The following KDSR variants were observed in gnomAD, a reference collection of about 807,000 sequenced individuals.
KDSR encodes 3-ketodihydrosphingosine reductase.
A neutral mutation model predicts 41.3 loss-of-function variants in KDSR; 23 were observed. That is an observed-to-expected ratio of 0.56 (90% CI 0.40 to 0.79). The LOEUF (loss-of-function observed/expected upper bound fraction) is 0.79, where lower values mean the gene tolerates loss of function less well. Ranked by LOEUF, KDSR falls within the 30% of genes least tolerant of loss-of-function variation. The probability of loss-of-function intolerance (pLI) is 0.00; values close to 1 mark genes in which losing one functional copy is unlikely to be tolerated. For synonymous variants in KDSR, 138 were observed against 151.7 expected, an observed-to-expected ratio of 0.91 and a Z score of 0.66; for missense variants, 351 against 416.8, an observed-to-expected ratio of 0.84 and a Z score of 1.37.
chr18:63,345,806 G>T (rs1448472219), intron 6 of KDSR: 2 of 151,952 alleles, frequency 1.3e-5, no homozygotes, highest in Non-Finnish European at 2.9e-5. Context: ...GCTGGGTGTG[G>T]TGGCGGGTGC....
At chr18:63,343,710 C>G (rs1177086255) in intron 7 of KDSR, among the ~76,000 whole-genome samples, 1 of 150,868 alleles carries the variant, frequency 6.6e-6, no homozygotes, top group Non-Finnish European at 1.5e-5. Context: ...ATTTTATCTT[C>G]CACGGTAGAA....
At chr18:63,342,641 A>T (rs1156538090) in intron 7 of KDSR, among the ~76,000 whole-genome samples, 5 of 152,240 alleles carry the variant, frequency 3.3e-5, no homozygotes, top group Non-Finnish European at 7.3e-5. Context: ...TGAGCACTAA[A>T]CCTGATTTAA....
intron 8 of KDSR, 34 bp from the exon 9 acceptor site, chr18:63,335,392 T>G: frequency 7.5e-4 from 934 of 1,248,194 alleles, no homozygotes; most frequent in Non-Finnish European, 9.8e-4. Flanking sequence ...AAAGAGGGAA[T>G]CCTAGTAATG....
At chr18:63,362,739 C>A in intron 2 of KDSR, 40 bp downstream of exon 2, 2 of 1,374,836 alleles carry the variant, frequency 1.5e-6, no homozygotes, top group South Asian at 1.2e-5. Flanking sequence ...AATTTCAAGT[C>A]GAAGAAGCAA....
chr18:63,330,302 C>A lies in KDSR; in HGVS notation c.*1480G>T. The stretch of plus-strand genomic sequence containing the variant: ...AGAGGTCTTTTCTCACCGAAGTGAT[C>A]TGGAATGTGCTACCGTATATGCAAG... On this transcript the variant is annotated 3_prime_UTR_variant, in exon 10 of 10. Transcript: ENST00000645214. 1 of 218,560 alleles carries A rather than the reference C, an allele frequency of 4.6e-6. No individual in the cohort carries two copies. Among genetic ancestry groups the A allele is most frequent in the Non-Finnish European group, 9.2e-6 (1 of 108,926 alleles). 13.5% of individuals were successfully genotyped at this position (218,560 alleles called of 1,614,324 possible). A position where few individuals can be genotyped will look rare whatever the true frequency, so the allele number is the denominator to read the frequency against.
rs531861184 is a variant in KDSR at position 63,342,128 on chromosome 18, C to T, written c.693+2282G>A. 3.4e-5 allele frequency among the ~76,000 whole-genome samples: 5 copies of T among 147,860 alleles called. 1 individual carries two copies. Among genetic ancestry groups the T allele is most frequent in the African/African-American group, 1.0e-4 (4 of 39,720 alleles). On this transcript the variant is annotated intron_variant, in intron 7 of 9. Coordinates refer to ENST00000645214, the MANE Select transcript of KDSR (RefSeq NM_002035.4). ...AGGTTGCAGTGAGCCAACATTGCACCACTGCACTCCAGCATGGGTGACAGA... is the reference window on the plus strand; with the variant it reads ...AGGTTGCAGTGAGCCAACATTGCACTACTGCACTCCAGCATGGGTGACAGA...
At position 63,351,540 on chromosome 18, in the gene KDSR, C is replaced by T. The variant is rs559185450; in HGVS notation, c.418-461G>A. On this transcript the variant is annotated intron_variant, in intron 5 of 9. Transcript: ENST00000645214. ...CAAGCCTTGGGTCTCCCATTTATTG[C>T]CTATTTGATGATGAATAAGAAAGTC... is the stretch of plus-strand genomic sequence containing the variant. 1.6e-3 allele frequency among the ~76,000 whole-genome samples: 247 copies of T among 152,200 alleles called. 1 individual carries two copies. Among genetic ancestry groups the T allele is most frequent in the Middle Eastern group, 6.8e-3 (2 of 294 alleles).
At chr18:63,350,358 A>C (rs1275556220) in intron 6 of KDSR, among the ~76,000 whole-genome samples, 1 of 152,368 alleles carries the variant, frequency 6.6e-6, no homozygotes, top group East Asian at 1.9e-4. Context: ...CAATTCTTTA[A>C]GATATAAAAA....
At chr18:63,342,344 AGG>A (rs1334857352) in intron 7 of KDSR, among the ~76,000 whole-genome samples, 1 of 152,104 alleles carries the variant, frequency 6.6e-6, no homozygotes, top group East Asian at 1.9e-4. Flanking sequence ...CGTCAAAGGG[AGG>A]GGAGAAGGGA....
In KDSR at chr18:63,338,893, G is replaced by GA; in HGVS notation, c.694-11dup. The stretch of plus-strand genomic sequence containing the variant: ...GTCGAGTCTCCAAAGGCTAAAAGTG[G>GA]AAAAACATGTACATAACAATATCAT... On this transcript the variant is annotated splice_polypyrimidine_tract_variant and intron_variant, in intron 7 of 9. Coordinates refer to ENST00000645214, the MANE Select transcript of KDSR (RefSeq NM_002035.4). 2 of 1,548,032 alleles carry GA rather than the reference G, an allele frequency of 1.3e-6. No individual in the cohort carries two copies. The highest frequency in any genetic ancestry group is 4.5e-5 in the East Asian group (2 of 44,440).
chr18:63,332,160 G>A (rs1270738834), intron 9 of KDSR, among the ~76,000 whole-genome samples: 1 of 152,160 alleles, frequency 6.6e-6, no homozygotes, highest in African/African-American at 2.4e-5. Context: ...TATATTGCTT[G>A]CAGTCTTAGG....
intron 7 of KDSR, among the ~76,000 whole-genome samples, chr18:63,342,526 G>A (rs1599326103): frequency 6.6e-6 from 1 of 152,320 alleles, no homozygotes; most frequent in African/African-American, 2.4e-5. Context: ...AGTTCTGTTT[G>A]AATCTGGGAC....
chr18:63,362,301 A>G (rs1267138649), intron 2 of KDSR, among the ~76,000 whole-genome samples: 1 of 152,260 alleles, frequency 6.6e-6, no homozygotes, highest in East Asian at 1.9e-4. Flanking sequence ...ACATTTTGCT[A>G]AACTTCTAAG....
chr18:63,363,231 T>A (rs1915043633), intron 1 of KDSR, among the ~76,000 whole-genome samples: 1 of 148,996 alleles, frequency 6.7e-6, no homozygotes, highest in Admixed American at 6.7e-5. Context: ...TTTTTTTTTT[T>A]TTATTATACT....
chr18:63,335,923 C>T (rs549382811), intron 8 of KDSR: 1 of 152,470 alleles, frequency 6.6e-6, no homozygotes, highest in Non-Finnish European at 1.5e-5. Context: ...AACGCGCTTC[C>T]GCAGCACTGC....
At chr18:63,359,464 T>A (rs962547122) in intron 3 of KDSR, 2 of 345,948 alleles carry the variant, frequency 5.8e-6, no homozygotes, top group East Asian at 9.7e-5. Flanking sequence ...AGCATTTGTA[T>A]AAAGTTCATT....
At chr18:63,344,639 T>C in intron 6 of KDSR, 146 bp from the exon 7 acceptor site, 4 of 559,024 alleles carry the variant, frequency 7.2e-6, no homozygotes, top group East Asian at 3.0e-5. Context: ...ACCAATTGCA[T>C]TGAGAAACCC....
At position 63,328,505 on chromosome 18, in the gene KDSR, C is replaced by T. The variant is rs2551407; in HGVS notation, c.*3277G>A. 42,297 of 154,788 alleles carry T rather than the reference C, an allele frequency of 0.27. 5,909 individuals are homozygous for T. The highest frequency in any genetic ancestry group is 0.32 in the Admixed American group (4,844 of 15,312). The allele number at this position is 154,788 out of a possible 1,614,324, so 9.6% of individuals were successfully genotyped here. A position where few individuals can be genotyped will look rare whatever the true frequency, so the allele number is the denominator to read the frequency against. On this transcript the variant is annotated 3_prime_UTR_variant, in exon 10 of 10. Coordinates refer to ENST00000645214, the MANE Select transcript of KDSR (RefSeq NM_002035.4). Reference sequence around the variant, plus strand: ...GTAGCTGGCGCCCGCCACACACAGGCGCCTGCCACCGTGTCCAGCTAATTT... The same window carrying T: ...GTAGCTGGCGCCCGCCACACACAGGTGCCTGCCACCGTGTCCAGCTAATTT...
At position 63,362,871 on chromosome 18, in the gene KDSR, A is replaced by T. The variant is rs752513732; in HGVS notation, c.109-3T>A. 32 of 1,603,324 alleles carry T rather than the reference A, an allele frequency of 2.0e-5. No individual in the cohort carries two copies. The highest frequency in any genetic ancestry group is 2.7e-5 in the Non-Finnish European group (32 of 1,171,374). On this transcript the variant is annotated splice_polypyrimidine_tract_variant and splice_region_variant and intron_variant, in intron 1 of 9. Transcript: ENST00000645214. The stretch of plus-strand genomic sequence containing the variant: ...ATGCCACTGGAACCTCCTGTAACCT[A>T]AAACAAAATCATAAAATATTCTTAG...
Sources: gnomAD v4.1 joint callset for allele counts (sites outside exome capture counted in the v4.1 genomes callset) on GRCh38, gnomAD v4.1.1 for gene constraint, MANE v1.5 for transcripts, NCBI Gene and HGNC (gene_info 2026-07-23, HGNC 2026-07-21) for gene names.